The following PDE4D variants were observed in gnomAD, a reference collection of about 807,000 sequenced individuals.
PDE4D encodes 3',5'-cyclic-AMP phosphodiesterase 4D.
PDE4D carries 24 observed loss-of-function variants against 87.4 expected under a neutral mutation model. The observed-to-expected ratio is 0.27, with a 90% CI of 0.20 to 0.39. PDE4D has a LOEUF of 0.39. PDE4D is among the 10% of genes least tolerant of loss of function. The probability of loss-of-function intolerance (pLI) is 1.00; values close to 1 mark genes in which losing one functional copy is unlikely to be tolerated. For missense variants in PDE4D, 714 were observed against 1,041.0 expected, an observed-to-expected ratio of 0.69 and a Z score of 4.32; for synonymous variants, 384 against 383.2, an observed-to-expected ratio of 1.00 and a Z score of -0.02.
chr5:60,335,614 A>C lies in PDE4D; in HGVS notation c.-89-149927T>G, dbSNP rs80031339. On this transcript the variant is annotated intron_variant, in intron 1 of 16. Coordinates refer to the PDE4D transcript ENST00000502484. ...AGCTCCAGGGTGTTGGCTAGAAGAA[A>C]TAGTAAACTCTCCTGGCAACCTTGA... Among the ~76,000 whole-genome samples, 1,823 of 152,282 alleles carry C rather than the reference A, an allele frequency of 0.012. 59 individuals carry two copies. The East Asian group carries it at 0.13, about 11-fold the overall frequency.
intron 1 of PDE4D, among the ~76,000 whole-genome samples, chr5:59,819,971 C>T (rs963950313): frequency 6.6e-6 from 1 of 152,210 alleles, no homozygotes; most frequent in Non-Finnish European, 1.5e-5. Context: ...GCTACTGCTG[C>T]ATACTAGTGG....
chr5:59,623,222 C>T (rs1426225786), intron 1 of PDE4D, among the ~76,000 whole-genome samples: 1 of 152,124 alleles, frequency 6.6e-6, no homozygotes, highest in African/African-American at 2.4e-5. Flanking sequence ...TCTGTAAGAC[C>T]CTACCCTCTC....
intron 2 of PDE4D, among the ~76,000 whole-genome samples, chr5:60,116,041 G>A (rs1778142538): frequency 6.6e-6 from 1 of 152,082 alleles, no homozygotes; most frequent in African/African-American, 2.4e-5. Flanking sequence ...GATAAGACAT[G>A]AAACTATTAA....
chr5:60,071,478 A>G (rs1235027810), intron 2 of PDE4D, among the ~76,000 whole-genome samples: 1 of 152,082 alleles, frequency 6.6e-6, no homozygotes, highest in Non-Finnish European at 1.5e-5. Context: ...CTTTTTCACA[A>G]ATATTATTCA....
chr5:59,356,983 G>A lies in PDE4D; in HGVS notation c.456-141015C>T, dbSNP rs1335849079. 24 of 1,071,150 alleles carry A rather than the reference G, an allele frequency of 2.2e-5. No homozygotes were observed. The Admixed American group carries it at 7.9e-4, about 35-fold the overall frequency. The allele number at this position is 1,071,150 out of a possible 1,614,324, so 66.4% of individuals were successfully genotyped here. On this transcript the variant is annotated intron_variant, in intron 1 of 14. Transcript: ENST00000340635. ...GCATTTCCTTTGTGCAGTGGTATGC[G>A]CTGACAGAGAGATGGCAGGCTGGCT...
At chr5:59,424,837 C>T (rs560368347) in intron 1 of PDE4D, among the ~76,000 whole-genome samples, 13 of 152,266 alleles carry the variant, frequency 8.5e-5, no homozygotes, top group African/African-American at 1.4e-4. Context: ...CATTCACAAT[C>T]GATGGGTCCA....
rs1249779422 is a variant in PDE4D, at chr5:59,150,174, G to A, written c.808+30421C>T. Among the ~76,000 whole-genome samples, 4 of 152,100 alleles carry A rather than the reference G, an allele frequency of 2.6e-5. No homozygotes were observed. The South Asian group carries it at 6.2e-4, about 24-fold the overall frequency. ...GGAGGAGGAATATGAGGATAAGGAT[G>A]GTTTTTCTGGGTGGAAGAACAAGAG... On this transcript the variant is annotated intron_variant, in intron 5 of 14. Transcript: ENST00000340635.
intron 2 of PDE4D, among the ~76,000 whole-genome samples, chr5:60,139,662 C>T (rs1418620285): frequency 2.0e-5 from 3 of 151,958 alleles, no homozygotes; most frequent in Non-Finnish European, 4.4e-5. Context: ...ATAGGCTACT[C>T]GTTGGAAACA....
At chr5:60,119,768 G>A (rs1195581845) in intron 2 of PDE4D, among the ~76,000 whole-genome samples, 1 of 152,136 alleles carries the variant, frequency 6.6e-6, no homozygotes, top group African/African-American at 2.4e-5. Flanking sequence ...ACATAAGTGG[G>A]TATGAGAAAT....
At chr5:59,893,025 C>A in intron 1 of PDE4D, 143 bp downstream of exon 1, 1 of 791,684 alleles carries the variant, frequency 1.3e-6, no homozygotes, top group Non-Finnish European at 2.0e-6. Flanking sequence ...ATAGGCACAC[C>A]CCTGTTTGTC....
chr5:59,484,824 AT>A (rs1357124863), intron 1 of PDE4D, among the ~76,000 whole-genome samples: 2 of 152,158 alleles, frequency 1.3e-5, no homozygotes, highest in East Asian at 3.9e-4. Context: ...TTTGTTTCAC[AT>A]TTTCTCATCT....
chr5:60,382,532 G>A (rs16877970), intron 1 of PDE4D, among the ~76,000 whole-genome samples: 3,560 of 152,062 alleles, frequency 0.023, 111 homozygotes, highest in African/African-American at 0.08. Flanking sequence ...ATTCTCATGT[G>A]CTTTTAGACT....
intron 2 of PDE4D, among the ~76,000 whole-genome samples, chr5:60,155,803 C>T (rs1398933843): frequency 8.9e-6 from 1 of 112,128 alleles, no homozygotes; most frequent in Admixed American, 9.4e-5. Context: ...GTCTAAAAAA[C>T]AGTCCAAGAA....
intron 1 of PDE4D, among the ~76,000 whole-genome samples, chr5:60,464,728 C>G (rs918791108): frequency 2.0e-5 from 3 of 152,106 alleles, no homozygotes; most frequent in African/African-American, 4.8e-5. Context: ...AAAATCAGTG[C>G]TAAACATGGT....
intron 1 of PDE4D, among the ~76,000 whole-genome samples, chr5:59,492,995 T>C (rs1484633688): frequency 6.6e-6 from 1 of 152,154 alleles, no homozygotes; most frequent in Admixed American, 6.6e-5. Context: ...CCTCTTTTTC[T>C]TCCTAGTGTC....
chr5:59,185,171 G>GA lies in PDE4D; in HGVS notation c.758+17dup. On this transcript the variant is annotated intron_variant, in intron 4 of 14. Transcript: ENST00000340635. ...TAAAAGTTCAGCAAAAAAGAGGGGG[G>GA]AAAAAAGGATATCTTACTTGCTAGG... is the stretch of plus-strand genomic sequence containing the variant. 1.9e-6 allele frequency: 3 copies of GA among 1,596,312 alleles called. No homozygotes were observed. The highest frequency in any genetic ancestry group is 1.1e-5 in the South Asian group (1 of 89,760).
At chr5:59,303,091 C>A (rs171729) in intron 1 of PDE4D, among the ~76,000 whole-genome samples, 100,572 of 151,984 alleles carry the variant, frequency 0.66, 34,407 homozygotes, top group African/African-American at 0.83. Flanking sequence ...TGCAGAAGTA[C>A]GGTGGTATCA....
intron 2 of PDE4D, among the ~76,000 whole-genome samples, chr5:59,199,644 G>C (rs1746284818): frequency 6.6e-6 from 1 of 151,938 alleles, no homozygotes; most frequent in Non-Finnish European, 1.5e-5. Context: ...TAGAATTATA[G>C]AGAAACAAGT....
chr5:59,138,292 T>G (rs1374525694), intron 5 of PDE4D, among the ~76,000 whole-genome samples: 1 of 152,216 alleles, frequency 6.6e-6, no homozygotes, highest in African/African-American at 2.4e-5. Context: ...TTTCTTTTTT[T>G]GGTTTGTTTT....
Sources: allele counts gnomAD v4.1 joint callset (sites outside exome capture counted in the v4.1 genomes callset), GRCh38; gene constraint gnomAD v4.1.1; transcripts MANE v1.5; gene names NCBI Gene and HGNC (gene_info 2026-07-23, HGNC 2026-07-21).